RBFOX1: variants seen among roughly 807,000 people sequenced by gnomAD.
RBFOX1 encodes RNA binding fox-1 homolog 1, also known as RNA binding protein fox-1 homolog 1.
RBFOX1 carries 8 observed loss-of-function variants against 57.7 expected under a neutral mutation model. That is an observed-to-expected ratio of 0.14 (90% CI 0.08 to 0.25). The LOEUF is 0.25. Among genes scored for constraint, RBFOX1 ranks in the 10% least tolerant of loss-of-function variants. RBFOX1 has a pLI of 1.00. For missense variants in RBFOX1, 611 were observed against 548.5 expected (o/e 1.11, Z -1.14); for synonymous variants, 326 against 222.4 (o/e 1.47, Z -4.15).
intron 1 of RBFOX1, among the ~76,000 whole-genome samples, chr16:6,091,147 C>T (rs2096166665): frequency 6.6e-6 from 1 of 152,130 alleles, no homozygotes; most frequent in Non-Finnish European, 1.5e-5. Flanking sequence ...AACATTAAAA[C>T]TCACTTCTCC....
intron 12 of RBFOX1, among the ~76,000 whole-genome samples, chr16:7,656,573 C>A (rs2066360607): frequency 6.6e-6 from 1 of 152,126 alleles, no homozygotes; most frequent in Non-Finnish European, 1.5e-5. Context: ...TCAGGTGGTC[C>A]AGAGAGCAGA....
At chr16:5,945,633 G>C (rs1489255502) in intron 4 of RBFOX1, among the ~76,000 whole-genome samples, 2 of 146,870 alleles carry the variant, frequency 1.4e-5, no homozygotes, top group Middle Eastern at 3.2e-3. Context: ...GCCAGGGCCA[G>C]AGCCAGGATC....
chr16:5,805,996 T>C (rs1227507523), intron 3 of RBFOX1, among the ~76,000 whole-genome samples: 2 of 151,834 alleles, frequency 1.3e-5, no homozygotes, highest in African/African-American at 4.8e-5. Context: ...AGTCAATAAA[T>C]GGTAATGAAC....
intron 3 of RBFOX1, among the ~76,000 whole-genome samples, chr16:5,774,965 G>A (rs1157167586): frequency 6.6e-6 from 1 of 152,176 alleles, no homozygotes; most frequent in Admixed American, 6.5e-5. Flanking sequence ...TTGCAGGAAT[G>A]AGACATTGCA....
intron 1 of RBFOX1, among the ~76,000 whole-genome samples, chr16:6,208,266 A>T (rs904288627): frequency 6.6e-6 from 1 of 151,544 alleles, no homozygotes; most frequent in East Asian, 1.9e-4. Context: ...GGGATATGGA[A>T]TTTTTTTTTA....
chr16:5,597,674 T>C (rs1192560628), intron 2 of RBFOX1, among the ~76,000 whole-genome samples: 1 of 152,110 alleles, frequency 6.6e-6, no homozygotes, highest in Non-Finnish European at 1.5e-5. Flanking sequence ...TTTTGATTAA[T>C]GACATTGTAG....
At chr16:5,756,791 T>C (rs762534654) in intron 3 of RBFOX1, among the ~76,000 whole-genome samples, 4 of 152,164 alleles carry the variant, frequency 2.6e-5, no homozygotes, top group South Asian at 2.1e-4. Context: ...TCTTGGCAAA[T>C]TGGCCAGCTT....
intron 3 of RBFOX1, among the ~76,000 whole-genome samples, chr16:5,728,665 C>G (rs2052245231): frequency 6.6e-6 from 1 of 152,208 alleles, no homozygotes; most frequent in Non-Finnish European, 1.5e-5. Context: ...GTAGGTCACT[C>G]TGAGAATATC....
At chr16:5,601,302 A>T (rs1164730045), downstream of RBFOX1, 1 of 152,294 alleles carries the variant, frequency 6.6e-6, no homozygotes, top group Non-Finnish European at 1.5e-5. Context: ...TTCACCTAAC[A>T]GCTATTGTCA....
At chr16:6,435,410 C>A (rs1000413190) in intron 2 of RBFOX1, among the ~76,000 whole-genome samples, 2 of 152,278 alleles carry the variant, frequency 1.3e-5, no homozygotes, top group Admixed American at 6.5e-5. Flanking sequence ...AAGTGATTCT[C>A]CTGCCTCAGC....
intron 3 of RBFOX1, among the ~76,000 whole-genome samples, chr16:5,677,884 G>A (rs1351147322): frequency 6.6e-6 from 1 of 152,170 alleles, no homozygotes; most frequent in African/African-American, 2.4e-5. Context: ...GAGAGATGAA[G>A]TGAGGGAGGC....
intron 3 of RBFOX1, among the ~76,000 whole-genome samples, chr16:6,996,357 T>C (rs2092242237): frequency 6.6e-6 from 1 of 152,104 alleles, no homozygotes; most frequent in African/African-American, 2.4e-5. Context: ...TGTTCTGTGG[T>C]TTTGTGCATG....
chr16:5,988,539 C>T (rs1392302557), intron 4 of RBFOX1, among the ~76,000 whole-genome samples: 2 of 152,176 alleles, frequency 1.3e-5, no homozygotes, highest in Admixed American at 6.5e-5. Flanking sequence ...TTGATCAGAA[C>T]CATCTGCTGT....
chr16:6,261,025 A>G (rs1009697104), intron 1 of RBFOX1, among the ~76,000 whole-genome samples: 4 of 152,230 alleles, frequency 2.6e-5, no homozygotes, highest in Middle Eastern at 3.2e-3. Context: ...TATGAAGACT[A>G]TCTTTTGCTT....
chr16:5,853,271 C>G (rs77994348), intron 3 of RBFOX1, among the ~76,000 whole-genome samples: 1 of 152,198 alleles, frequency 6.6e-6, no homozygotes, highest in East Asian at 1.9e-4. Flanking sequence ...TCCAGCCAGA[C>G]AACCCTCACC....
At chr16:6,554,430 T>A (rs11642501) in intron 2 of RBFOX1, among the ~76,000 whole-genome samples, 14,528 of 150,902 alleles carry the variant, frequency 0.096, 1,771 homozygotes, top group African/African-American at 0.29. Context: ...CCCGGGGTAA[T>A]AAAAAAAAAG....
At chr16:7,572,689 A>G (rs999560696) in intron 5 of RBFOX1, among the ~76,000 whole-genome samples, 5 of 152,114 alleles carry the variant, frequency 3.3e-5, no homozygotes, top group Non-Finnish European at 7.3e-5. Flanking sequence ...AATACAAAAA[A>G]TTAGCTGGGC....
At chr16:7,021,492 A>G (rs192715094) in intron 3 of RBFOX1, among the ~76,000 whole-genome samples, 6,115 of 145,458 alleles carry the variant, frequency 0.042, 449 homozygotes, top group African/African-American at 0.14. Flanking sequence ...ATTTTATATT[A>G]ATATTTTATA....
intron 14 of RBFOX1, among the ~76,000 whole-genome samples, chr16:7,696,823 A>G (rs1256778781): frequency 6.6e-6 from 1 of 152,204 alleles, no homozygotes; most frequent in Non-Finnish European, 1.5e-5. Context: ...CTGAGGGGGT[A>G]ACATTTGAGC....
Sources: allele counts gnomAD v4.1 joint callset (sites outside exome capture counted in the v4.1 genomes callset), GRCh38; gene constraint gnomAD v4.1.1; transcripts MANE v1.5; gene names NCBI Gene and HGNC (gene_info 2026-07-23, HGNC 2026-07-21).